The following CYFIP1 variants were observed in gnomAD, a reference collection of about 807,000 sequenced individuals.
CYFIP1 encodes the protein cytoplasmic FMR1-interacting protein 1.
CYFIP1 carries 58 observed loss-of-function variants against 163.5 expected under a neutral mutation model. That is an observed-to-expected ratio of 0.35 (90% CI 0.29 to 0.44). The LOEUF is 0.44. CYFIP1 is among the 20% of genes least tolerant of loss of function. CYFIP1 has a pLI of 1.00. For synonymous variants in CYFIP1, 663 were observed against 660.7 expected (o/e 1.00, Z -0.05); for missense variants, 1,338 against 1,653.8 (o/e 0.81, Z 3.31).
intron 20 of CYFIP1, 60 bp from the exon 21 acceptor site, chr15:22,909,373 A>C: frequency 6.3e-7 from 1 of 1,599,594 alleles, no homozygotes; most frequent in Non-Finnish European, 8.6e-7. Flanking sequence ...CGAAAACAAC[A>C]AACGCCTCAC....
intron 1 of CYFIP1, among the ~76,000 whole-genome samples, chr15:22,978,880 G>A (rs2063371321): frequency 6.6e-6 from 1 of 152,124 alleles, no homozygotes; most frequent in African/African-American, 2.4e-5. Context: ...CTGCAAGAGC[G>A]GGGAGGAGAG....
intron 26 of CYFIP1, among the ~76,000 whole-genome samples, chr15:22,878,484 C>A (rs1297636444): frequency 6.6e-6 from 1 of 152,026 alleles, no homozygotes; most frequent in African/African-American, 2.4e-5. Flanking sequence ...TGGGTCTCCA[C>A]AGAGAGAAAG....
At chr15:22,915,466 TCTGG>T (rs2060940979) in intron 16 of CYFIP1, among the ~76,000 whole-genome samples, 1 of 152,064 alleles carries the variant, frequency 6.6e-6, no homozygotes, top group Non-Finnish European at 1.5e-5. Flanking sequence ...AAACAGGACT[TCTGG>T]CTGGGCACAG....
chr15:22,885,660 G>C (rs1388926565), intron 23 of CYFIP1, among the ~76,000 whole-genome samples: 1 of 152,174 alleles, frequency 6.6e-6, no homozygotes, highest in African/African-American at 2.4e-5. Context: ...TTGAACCTGG[G>C]AGGCGGAGGT....
chr15:22,967,525 C>T (rs1055202383), intron 1 of CYFIP1, among the ~76,000 whole-genome samples: 53 of 152,182 alleles, frequency 3.5e-4, no homozygotes, highest in African/African-American at 1.2e-3. Flanking sequence ...CATGTGCCGG[C>T]CTGTGTCTTC....
At chr15:22,972,930 G>GT (rs1373460045) in intron 1 of CYFIP1, among the ~76,000 whole-genome samples, 1 of 152,128 alleles carries the variant, frequency 6.6e-6, no homozygotes, top group African/African-American at 2.4e-5. Flanking sequence ...GAGGTAAGGA[G>GT]TTTGAGACTA....
At chr15:22,915,012 T>C in intron 16 of CYFIP1, 130 bp from the exon 17 acceptor site, 1 of 974,036 alleles carries the variant, frequency 1.0e-6, no homozygotes, top group Non-Finnish European at 1.5e-6. Flanking sequence ...AGCATGGACA[T>C]GAGTGGGGAG....
intron 21 of CYFIP1, among the ~76,000 whole-genome samples, chr15:22,908,689 C>T (rs779932523): frequency 3.3e-5 from 5 of 151,602 alleles, no homozygotes; most frequent in African/African-American, 4.9e-5. Context: ...CCACCACGCC[C>T]GCCTAATTTT....
At chr15:22,980,726 T>G (rs557012770), upstream of CYFIP1, among the ~76,000 whole-genome samples, 948 of 152,148 alleles carry the variant, frequency 6.2e-3, 29 homozygotes, top group South Asian at 0.08. Flanking sequence ...TGGCCTGAGC[T>G]GCGGAAGGAG....
intron 27 of CYFIP1, among the ~76,000 whole-genome samples, chr15:22,874,932 C>T (rs1324888884): frequency 1.3e-5 from 2 of 152,180 alleles, no homozygotes; most frequent in African/African-American, 4.8e-5. Context: ...ATTATCAACT[C>T]ATGGCCACTC....
chr15:22,920,939 G>T (rs1275407630), intron 13 of CYFIP1, among the ~76,000 whole-genome samples: 1 of 152,094 alleles, frequency 6.6e-6, no homozygotes, highest in Non-Finnish European at 1.5e-5. Flanking sequence ...AGAAGGAAAA[G>T]GCAAGTTAAC....
At chr15:22,897,823 A>G (rs1338901921) in intron 22 of CYFIP1, among the ~76,000 whole-genome samples, 2 of 152,186 alleles carry the variant, frequency 1.3e-5, no homozygotes, top group Non-Finnish European at 2.9e-5. Flanking sequence ...GGAACTCAGA[A>G]GCCTCCTGGC....
chr15:22,911,231 ACACTAAATAAACTGCAGTGTGG>A (rs1184702843), intron 18 of CYFIP1, among the ~76,000 whole-genome samples: 3 of 152,196 alleles, frequency 2.0e-5, no homozygotes, highest in Non-Finnish European at 4.4e-5. Flanking sequence ...CAACAACAGC[ACACTAAATAAACTGCAGTGTGG>A]CCAGGAGTGA....
Position 22,932,307 on chromosome 15 carries a change from C to T in CYFIP1, c.1026G>A (p.Gln342=). The change falls in exon 11 of 31, where the codon CAG becomes CAA. Residue 342 remains glutamine, a synonymous_variant. Transcript: ENST00000617928. ...WTCTSSGSSP[Q]YNICEQMIQI... ...GGATCATCTGCTCGCAGATGTTGTA[C>T]TGAGGGCTGCTGCCGGAGGATGTGC... 6.2e-7 allele frequency: 1 copy of T among 1,611,128 alleles called. No homozygotes were observed. Among genetic ancestry groups the T allele is most frequent in the Non-Finnish European group, 8.5e-7 (1 of 1,178,804 alleles).
chr15:22,924,025 T>C (rs567626660), intron 13 of CYFIP1, among the ~76,000 whole-genome samples: 96 of 150,924 alleles, frequency 6.4e-4, no homozygotes, highest in African/African-American at 2.2e-3. Context: ...AACCCAAATG[T>C]CTATCATCTG....
intron 8 of CYFIP1, 69 bp downstream of exon 8, chr15:22,939,123 G>T: frequency 6.3e-7 from 1 of 1,587,190 alleles, no homozygotes; most frequent in Admixed American, 1.7e-5. Context: ...TCTAGATAAA[G>T]CACAGCCTAT....
intron 21 of CYFIP1, among the ~76,000 whole-genome samples, chr15:22,905,823 G>A (rs1331812788): frequency 5.3e-5 from 8 of 150,566 alleles, no homozygotes; most frequent in South Asian, 4.2e-4. Context: ...ACAGTGGAAC[G>A]ATCTCGGCTC....
chr15:22,912,415 C>T, intron 17 of CYFIP1, 140 bp from the exon 18 acceptor site: 2 of 598,594 alleles, frequency 3.3e-6, no homozygotes, highest in Non-Finnish European at 2.8e-6. Flanking sequence ...AACACCAGTC[C>T]TCCTGTGAAA....
intron 1 of CYFIP1, among the ~76,000 whole-genome samples, chr15:22,951,092 C>T (rs1567020671): frequency 6.6e-6 from 1 of 152,038 alleles, no homozygotes; most frequent in Non-Finnish European, 1.5e-5. Flanking sequence ...GGTGTTGGGC[C>T]GGTTCCACAG....
Sources: gnomAD v4.1 joint callset for allele counts (sites outside exome capture counted in the v4.1 genomes callset) on GRCh38, gnomAD v4.1.1 for gene constraint, MANE v1.5 for transcripts, NCBI Gene and HGNC (gene_info 2026-07-23, HGNC 2026-07-21) for gene names.